Variants in IRS1 observed in about 807,000 individuals in gnomAD.
The protein encoded by IRS1 is insulin receptor substrate 1.
IRS1 carries 34 observed loss-of-function variants against 65.6 expected under a neutral mutation model. The observed-to-expected ratio is 0.52, with a 90% CI of 0.39 to 0.69. The LOEUF is 0.69. IRS1 is among the 30% of genes least tolerant of loss of function. The pLI, the probability that IRS1 is intolerant of heterozygous loss-of-function variation, is 0.00. For synonymous variants in IRS1, 699 were observed against 683.5 expected (o/e 1.02, Z -0.35); for missense variants, 1,641 against 1,720.2 (o/e 0.95, Z 0.81).
In IRS1 at chr2:226,796,887, C is replaced by A; in HGVS notation, c.1852G>T (p.Gly618Trp). Reference sequence around the variant, plus strand: ...CGGCCACTGGGCACTGGGGCCACCCCTGGGGACATGGGCATGTAGCCATCA... The same window carrying A: ...CGGCCACTGGGCACTGGGGCCACCCATGGGGACATGGGCATGTAGCCATCA... ...TDDGYMPMSP[G>W]VAPVPSGRKG... is the part of the protein sequence containing the mutation. Residue 618 changes from glycine (G) to tryptophan (W), a missense_variant, in exon 1 of 2, where the codon GGG (glycine) becomes TGG (tryptophan). By Grantham distance (184) the Gly-to-Trp change is radical. Around this residue, in one of 3 missense-constraint regions of IRS1, gnomAD observed 1,324 missense variants for 1,361.0 expected, o/e 0.97. Coordinates refer to ENST00000305123, the MANE Select transcript of IRS1 (RefSeq NM_005544.3). The A allele has an allele frequency of 6.5e-7, 1 of 1,541,398 alleles. No individual in the cohort carries two copies. Among genetic ancestry groups the A allele is most frequent in the Non-Finnish European group, 8.7e-7 (1 of 1,143,108 alleles).
At position 226,798,790 on chromosome 2, in the gene IRS1, C is replaced by T; in HGVS notation, c.-52G>A. 2 of 1,574,680 alleles carry T rather than the reference C, an allele frequency of 1.3e-6. No homozygotes were observed. Among genetic ancestry groups the T allele is most frequent in the Non-Finnish European group, 1.7e-6 (2 of 1,161,084 alleles). On this transcript the variant is annotated 5_prime_UTR_variant, in exon 1 of 2. Transcript: ENST00000305123. The surrounding 1 kb of genome is among the most constrained non-coding windows in gnomAD (Gnocchi z 9.4). ...GCAGAGGGAGGCTCCGAAAAACAAC[C>T]GGGTGGGGGGCGGAGGCTCCTCGCC... is the stretch of plus-strand genomic sequence containing the variant.
At position 226,799,803 on chromosome 2, in the gene IRS1, G is replaced by A. The variant is rs934104241; in HGVS notation, c.-1065C>T. On this transcript the variant is annotated 5_prime_UTR_variant, in exon 1 of 2. Coordinates refer to ENST00000305123, the MANE Select transcript of IRS1 (RefSeq NM_005544.3). The surrounding 1 kb of genome is among the most constrained non-coding windows in gnomAD (Gnocchi z 6.1). Reference sequence around the variant, plus strand: ...AACACGTGACGGAGCCTCCGCGCTCGGCAGCCGGGCAGCCGCCGCCGGGAG... The same window carrying A: ...AACACGTGACGGAGCCTCCGCGCTCAGCAGCCGGGCAGCCGCCGCCGGGAG... 9.1e-6 allele frequency: 9 copies of A among 988,192 alleles called. No homozygotes were observed. Among genetic ancestry groups the A allele is most frequent in the Non-Finnish European group, 1.1e-5 (9 of 829,736 alleles). 61.2% of individuals were successfully genotyped at this position (988,192 alleles called of 1,614,324 possible).
intron 1 of IRS1, among the ~76,000 whole-genome samples, chr2:226,746,297 G>A (rs1300525137): frequency 6.6e-6 from 1 of 152,160 alleles, no homozygotes; most frequent in East Asian, 1.9e-4. Flanking sequence ...ATTGTTGGGG[G>A]TGGGGGCAGG....
chr2:226,781,461 A>G (rs1056444282), intron 1 of IRS1, among the ~76,000 whole-genome samples: 1 of 152,206 alleles, frequency 6.6e-6, no homozygotes, highest in African/African-American at 2.4e-5. Context: ...AGACACATTA[A>G]TTAAAAATCC....
Position 226,798,571 on chromosome 2 carries a change from C to A in IRS1, c.168G>T (p.Lys56Asn), listed in dbSNP as rs780154777. ...YYENEKKWRHKSSAPKRSIPL... is the reference protein window; with the variant it reads ...YYENEKKWRHNSSAPKRSIPL... Reference sequence around the variant, plus strand: ...GGATCGAGCGTTTGGGGGCGCTCGACTTGTGCCGCCACTTCTTCTCGTTCT... The same window carrying A: ...GGATCGAGCGTTTGGGGGCGCTCGAATTGTGCCGCCACTTCTTCTCGTTCT... Residue 56 changes from lysine to asparagine, a missense_variant, in exon 1 of 2, where the codon AAG becomes AAT. By Grantham distance (94) the Lys-to-Asn change is moderately conservative (BLOSUM62 0). Coordinates refer to ENST00000305123, the MANE Select transcript of IRS1 (RefSeq NM_005544.3). This position sits in a 1 kb window ranked among gnomAD's most constrained non-coding sequence, Gnocchi z 9.4. The A allele has an allele frequency of 1.2e-6, 2 of 1,613,848 alleles. No individual in the cohort carries two copies. The highest frequency in any genetic ancestry group is 3.3e-5 in the Admixed American group (2 of 60,030).
chr2:226,773,109 C>T (rs1422867694), intron 1 of IRS1, among the ~76,000 whole-genome samples: 2 of 152,176 alleles, frequency 1.3e-5, no homozygotes, highest in Non-Finnish European at 2.9e-5. Flanking sequence ...AGCTAATGAC[C>T]TATGTAACTC....
In IRS1 at chr2:226,794,235, CAG is replaced by C. The variant is rs1939663715; in HGVS notation, c.*21+752_*21+753del. On this transcript the variant is annotated intron_variant, in intron 1 of 1. Transcript: ENST00000305123. The surrounding 1 kb of genome is among the most constrained non-coding windows in gnomAD (Gnocchi z 4.1). ...CTTAATAATGGGTCCCAGACACATA[CAG>C]AGTTTCCTGCATATCCTGTACAAGA... Among the ~76,000 whole-genome samples, 1 of 152,150 alleles carries C rather than the reference CAG, an allele frequency of 6.6e-6. No homozygotes were observed. Among genetic ancestry groups the C allele is most frequent in the South Asian group, 2.1e-4 (1 of 4,830 alleles).
rs1368263666 is a variant in IRS1 at position 226,734,256 on chromosome 2, GCTCT to G, written c.*2012_*2015del. 3.3e-5 allele frequency: 5 copies of G among 152,136 alleles called. No homozygotes were observed. The highest frequency in any genetic ancestry group is 7.4e-5 in the Non-Finnish European group (5 of 68,024). The allele number at this position is 152,136 out of a possible 1,614,324, so 9.4% of individuals were successfully genotyped here. On this transcript the variant is annotated 3_prime_UTR_variant, in exon 2 of 2. Coordinates refer to ENST00000305123, the MANE Select transcript of IRS1 (RefSeq NM_005544.3). ...ATATCAGATTTTCAAAATGGGTAGT[GCTCT>G]CTACTAATAGGAAATGATGTAATTC...
intron 1 of IRS1, among the ~76,000 whole-genome samples, chr2:226,741,000 T>TA (rs368514403): frequency 7.1e-4 from 106 of 149,378 alleles, no homozygotes; most frequent in South Asian, 2.8e-3. Flanking sequence ...GTGTGCTTTT[T>TA]AAAAAAAAAA....
At position 226,796,398 on chromosome 2, in the gene IRS1, C is replaced by T. The variant is rs1427555970; in HGVS notation, c.2341G>A (p.Glu781Lys). 2 of 1,613,264 alleles carry T rather than the reference C, an allele frequency of 1.2e-6. No individual in the cohort carries two copies. The highest frequency in any genetic ancestry group is 2.7e-5 in the African/African-American group (2 of 74,934). Residue 781 changes from glutamate to lysine, a missense_variant, in exon 1 of 2, where the codon GAG becomes AAG. Around this residue, in one of 3 missense-constraint regions of IRS1, gnomAD observed 1,324 missense variants for 1,361.0 expected, o/e 0.97. Coordinates refer to ENST00000305123, the MANE Select transcript of IRS1 (RefSeq NM_005544.3). ...FKHTQRPGEP[E>K]EGARHQHLRL... ...AGGTGCTGATGCCGGGCACCCTCCT[C>T]CGGCTCCCCGGGGCGCTGGGTGTGC...
At chr2:226,740,761 T>C (rs1302125816) in intron 1 of IRS1, among the ~76,000 whole-genome samples, 1 of 152,162 alleles carries the variant, frequency 6.6e-6, no homozygotes, top group Non-Finnish European at 1.5e-5. Flanking sequence ...AAGAGTAAAA[T>C]ATTTTAAGTT....
rs774321419 is a variant in IRS1, at chr2:226,795,184, G to C, written c.3555C>G (p.Val1185=). ...NGLNYIDLDL[V]KDFKQCPQEC... is the part of the protein sequence containing the mutation. Reference sequence around the variant, plus strand: ...CCTGAGGGCACTGTTTGAAGTCCTTGACCAAATCCAGGTCTATGTAGTTAA... The same window carrying C: ...CCTGAGGGCACTGTTTGAAGTCCTTCACCAAATCCAGGTCTATGTAGTTAA... Residue 1185 remains valine (V), a synonymous_variant, in exon 1 of 2, where the codon GTC becomes GTG. Transcript: ENST00000305123. 4 of 1,613,968 alleles carry C rather than the reference G, an allele frequency of 2.5e-6. No individual in the cohort carries two copies. Among genetic ancestry groups the C allele is most frequent in the Admixed American group, 1.7e-5 (1 of 60,020 alleles).
At chr2:226,779,975 A>T (rs1002296648) in intron 1 of IRS1, among the ~76,000 whole-genome samples, 1 of 152,244 alleles carries the variant, frequency 6.6e-6, no homozygotes, top group Non-Finnish European at 1.5e-5. Context: ...CCTTTTCCTA[A>T]ACCTTATGCA....
At position 226,744,499 on chromosome 2, in the gene IRS1, C is replaced by A. The variant is rs998273413; in HGVS notation, c.*22-8249G>T. On this transcript the variant is annotated intron_variant, in intron 1 of 1. Transcript: ENST00000305123. ...CATCTAAGGCAGGGGTCCTCAATTC[C>A]CAGGCTGTGGACCAGTAGAGATCCA... 4.6e-5 allele frequency among the ~76,000 whole-genome samples: 7 copies of A among 152,110 alleles called. No individual in the cohort carries two copies. In the South Asian group the frequency reaches 6.2e-4, roughly 14 times the overall value.
At chr2:226,790,253 A>C (rs1417462918) in intron 1 of IRS1, among the ~76,000 whole-genome samples, 1 of 152,148 alleles carries the variant, frequency 6.6e-6, no homozygotes, top group Non-Finnish European at 1.5e-5. Context: ...GTTGGAGCCC[A>C]AGATCTCTGG....
Position 226,795,573 on chromosome 2 carries a change from G to A in IRS1, c.3166C>T (p.His1056Tyr), listed in dbSNP as rs1939701352. 6.2e-7 allele frequency: 1 copy of A among 1,612,910 alleles called. No individual in the cohort carries two copies. Among genetic ancestry groups the A allele is most frequent in the Non-Finnish European group, 8.5e-7 (1 of 1,179,920 alleles). ...TGTGGGCCCCCCAGCAGGGACGAGT[G>A]GGCAGCCAGCTCTGCTGCCCCTTGA... ...GPQGAAELAA[H>Y]SSLLGGPQGP... Residue 1056 changes from histidine to tyrosine, a missense_variant, in exon 1 of 2, where the codon CAC becomes TAC. By Grantham distance (83) the His-to-Tyr change is moderately conservative. This residue lies in a region of IRS1 where 1,324 missense variants were observed against 1,361.0 expected (regional missense o/e 0.97). Transcript: ENST00000305123.
chr2:226,758,910 A>C (rs1229255402), intron 1 of IRS1, among the ~76,000 whole-genome samples: 1 of 152,252 alleles, frequency 6.6e-6, no homozygotes, highest in Non-Finnish European at 1.5e-5. Context: ...CTGTCTTTCA[A>C]GACCTTCTTG....
intron 1 of IRS1, among the ~76,000 whole-genome samples, chr2:226,786,641 A>G (rs570086691): frequency 2.0e-3 from 296 of 150,908 alleles, no homozygotes; most frequent in African/African-American, 7.0e-3. Flanking sequence ...TCTACCTTAA[A>G]AAAAAAAAAA....
chr2:226,782,152 G>T (rs1437718901), intron 1 of IRS1, among the ~76,000 whole-genome samples: 1 of 151,890 alleles, frequency 6.6e-6, no homozygotes, highest in Non-Finnish European at 1.5e-5. Context: ...TGGGTTAGGG[G>T]GGTGGACTGG....
Sources: allele counts gnomAD v4.1 joint callset (sites outside exome capture counted in the v4.1 genomes callset), GRCh38; gene constraint gnomAD v4.1.1; regional missense constraint gnomAD v4.1.1; non-coding constraint Gnocchi (gnomAD v3.1); transcripts MANE v1.5; gene names NCBI Gene and HGNC (gene_info 2026-07-23, HGNC 2026-07-21).